SYNPO: variants seen among roughly 807,000 people sequenced by gnomAD.
SYNPO encodes the protein synaptopodin.
SYNPO carries 19 observed loss-of-function variants against 49.5 expected under a neutral mutation model. The observed-to-expected ratio is 0.38, with a 90% CI of 0.27 to 0.56. The LOEUF is 0.56. SYNPO is among the 20% of genes least tolerant of loss of function. The pLI is 0.68. For missense variants in SYNPO, 1,131 were observed against 1,248.3 expected (o/e 0.91, Z 1.42); for synonymous variants, 536 against 548.0 (o/e 0.98, Z 0.31).
exon 2 of SYNPO, chr5:150,618,642 G>T (rs1757051499): frequency 3.2e-6 from 5 of 1,551,228 alleles, no homozygotes; most frequent in Non-Finnish European, 4.4e-6. Flanking sequence ...AGCTGCTCCA[G>T]AGAGGAACAA....
rs758983841 is a variant in SYNPO, at chr5:150,650,137, C to G, written c.1862C>G (p.Pro621Arg). 1.2e-6 allele frequency: 2 copies of G among 1,613,816 alleles called. No homozygotes were observed. The highest frequency in any genetic ancestry group is 4.5e-5 in the East Asian group (2 of 44,862). The change falls in exon 2 of 3, where the codon CCG (proline) becomes CGG (arginine). Residue 621 changes from proline to arginine, a missense_variant. Physicochemically the swap from Pro to Arg is moderately radical, Grantham distance 103 (BLOSUM62 -2). Coordinates refer to ENST00000307662, the MANE Select transcript of SYNPO (RefSeq NM_007286.6). ...PALPRPSRSS[P>R]GLYTSPGQDS... is the part of the protein sequence containing the mutation. ...CTGCCTCGGCCCTCGCGCTCCTCAC[C>G]GGGCCTCTACACCTCCCCCGGCCAG...
At chr5:150,637,924 G>A (rs926572051), upstream of SYNPO, among the ~76,000 whole-genome samples, 11 of 152,116 alleles carry the variant, frequency 7.2e-5, no homozygotes, top group African/African-American at 2.7e-4. Context: ...TAACCCACCC[G>A]GAGGCCCAGG....
In SYNPO at chr5:150,657,815, C is replaced by G. The variant is rs1388170971; in HGVS notation, c.*728C>G. ...AGAGGCAGGAAAATTCTCCCCGGGT[C>G]CCTGTCATGCTACTTTCTCCATCCC... On this transcript the variant is annotated 3_prime_UTR_variant, in exon 3 of 3. Coordinates refer to ENST00000307662, the MANE Select transcript of SYNPO (RefSeq NM_007286.6). 1 of 152,624 alleles carries G rather than the reference C, an allele frequency of 6.6e-6. No individual in the cohort carries two copies. Among genetic ancestry groups the G allele is most frequent in the African/African-American group, 2.4e-5 (1 of 41,460 alleles). 9.5% of individuals were successfully genotyped at this position (152,624 alleles called of 1,614,324 possible). A position where few individuals can be genotyped will look rare whatever the true frequency, so the allele number is the denominator to read the frequency against.
At chr5:150,613,178 G>A (rs1342079642) in intron 1 of SYNPO, among the ~76,000 whole-genome samples, 1 of 151,968 alleles carries the variant, frequency 6.6e-6, no homozygotes, top group African/African-American at 2.4e-5. Context: ...CCTTTTTTCA[G>A]TCCCATGCCT....
intron 1 of SYNPO, among the ~76,000 whole-genome samples, chr5:150,615,581 C>T (rs894027682): frequency 6.6e-6 from 1 of 152,238 alleles, no homozygotes; most frequent in Non-Finnish European, 1.5e-5. Flanking sequence ...ACCATGGTGT[C>T]CTCCGGGAAT....
At position 150,656,931 on chromosome 5, in the gene SYNPO, C is replaced by G; in HGVS notation, c.2556C>G (p.Arg852=). Residue 852 remains arginine (R), a synonymous_variant, in exon 3 of 3, where the codon CGC becomes CGG. Transcript: ENST00000307662. Reference sequence around the variant, plus strand: ...CGCCTCCCAGGCCCTTCCTCTACCGCCGCTCGCCCACGGACTCCGACGTGT... The same window carrying G: ...CGCCTCCCAGGCCCTTCCTCTACCGGCGCTCGCCCACGGACTCCGACGTGT... ...LPAPPRPFLY[R]RSPTDSDVSL... 6.3e-7 allele frequency: 1 copy of G among 1,581,520 alleles called. No individual in the cohort carries two copies. Among genetic ancestry groups the G allele is most frequent in the Non-Finnish European group, 8.6e-7 (1 of 1,164,712 alleles).
At chr5:150,623,949 C>G (rs1375081394) in intron 2 of SYNPO, among the ~76,000 whole-genome samples, 1 of 152,212 alleles carries the variant, frequency 6.6e-6, no homozygotes, top group Admixed American at 6.5e-5. Context: ...CTGTGCCAAG[C>G]CCACCAGCTC....
rs1758420560 is a variant in SYNPO at position 150,652,340 on chromosome 5, C to T, written c.2028+2037C>T. On this transcript the variant is annotated intron_variant, in intron 2 of 2. Transcript: ENST00000307662. ...TTCTCAATACACTCTGCCTCAAATC[C>T]GTCTTGCTTCTTTCTTTCTTCCGTG... 24 of 989,368 alleles carry T rather than the reference C, an allele frequency of 2.4e-5. No individual in the cohort carries two copies. In the South Asian group the frequency reaches 3.3e-4, roughly 14 times the overall value. The allele number at this position is 989,368 out of a possible 1,614,324, so 61.3% of individuals were successfully genotyped here.
chr5:150,618,547 G>A (rs758157042), exon 2 of SYNPO: 23 of 1,550,508 alleles, frequency 1.5e-5, no homozygotes, highest in African/African-American at 9.6e-5. Context: ...AGGATGAGGG[G>A]GTCAGCAGGA....
upstream of SYNPO, among the ~76,000 whole-genome samples, chr5:150,600,399 C>T (rs1205569329): frequency 6.6e-6 from 1 of 152,254 alleles, no homozygotes; most frequent in Non-Finnish European, 1.5e-5. Flanking sequence ...TGGGGTCTCC[C>T]CAGCCCATCC....
intron 2 of SYNPO, chr5:150,652,407 C>T: frequency 1.0e-6 from 1 of 986,194 alleles, no homozygotes; most frequent in Non-Finnish European, 1.2e-6. Flanking sequence ...CTGATTCTAG[C>T]CTGGGAAGTG....
chr5:150,648,211 C>T lies in SYNPO; in HGVS notation c.-65C>T, dbSNP rs759413850. 1.6e-5 allele frequency: 26 copies of T among 1,604,276 alleles called. No individual in the cohort carries two copies. Among genetic ancestry groups the T allele is most frequent in the Admixed American group, 5.2e-5 (3 of 57,860 alleles). On this transcript the variant is annotated 5_prime_UTR_variant, in exon 2 of 3. Coordinates refer to ENST00000307662, the MANE Select transcript of SYNPO (RefSeq NM_007286.6). This position sits in a 1 kb window ranked among gnomAD's most constrained non-coding sequence, Gnocchi z 5.0. ...CTCAGCCTGAGTTCCACCTCGCTGCCGGAGCCAGGCCCTCCACGGCACCCC... is the reference window on the plus strand; with the variant it reads ...CTCAGCCTGAGTTCCACCTCGCTGCTGGAGCCAGGCCCTCCACGGCACCCC...
the SYNPO span, among the ~76,000 whole-genome samples, chr5:150,589,893 C>T: frequency 6.6e-6 from 1 of 152,214 alleles, no homozygotes; most frequent in African/African-American, 2.4e-5. Flanking sequence ...TTCCAGTAGA[C>T]AAGTTCCTTT....
At chr5:150,614,438 G>A (rs1162631245) in intron 1 of SYNPO, 1 of 152,294 alleles carries the variant, frequency 6.6e-6, no homozygotes, top group South Asian at 2.1e-4. Flanking sequence ...GCCCCTGCTT[G>A]GACTCATGCA....
the SYNPO span, among the ~76,000 whole-genome samples, chr5:150,591,033 G>C: frequency 6.6e-6 from 1 of 152,158 alleles, no homozygotes; most frequent in Admixed American, 6.5e-5. Flanking sequence ...GTTAGAGGGG[G>C]TGGGGAACAG....
At position 150,650,564 on chromosome 5, in the gene SYNPO, G is replaced by C. The variant is rs184451297; in HGVS notation, c.2028+261G>C. The C allele has an allele frequency of 2.3e-5, 33 of 1,459,512 alleles. No homozygotes were observed. In the East Asian group the frequency reaches 7.4e-4, roughly 33 times the overall value. The allele number at this position is 1,459,512 out of a possible 1,614,324, so 90.4% of individuals were successfully genotyped here. A position where few individuals can be genotyped will look rare whatever the true frequency, so the allele number is the denominator to read the frequency against. Reference sequence around the variant, plus strand: ...CAGGGGTCGGACTCCATGTCTGAGCGGGGAGGAGGGTCATGGAGAGAGAAC... The same window carrying C: ...CAGGGGTCGGACTCCATGTCTGAGCCGGGAGGAGGGTCATGGAGAGAGAAC... On this transcript the variant is annotated intron_variant, in intron 2 of 2. Coordinates refer to ENST00000307662, the MANE Select transcript of SYNPO (RefSeq NM_007286.6).
At chr5:150,627,340 G>A (rs1312344657) in intron 2 of SYNPO, among the ~76,000 whole-genome samples, 1 of 152,180 alleles carries the variant, frequency 6.6e-6, no homozygotes, top group Non-Finnish European at 1.5e-5. Context: ...GTGGAGATGG[G>A]CCAAGTGCCC....
intron 2 of SYNPO, among the ~76,000 whole-genome samples, chr5:150,634,297 C>T (rs1404940868): frequency 6.6e-6 from 1 of 152,158 alleles, no homozygotes; most frequent in Non-Finnish European, 1.5e-5. Flanking sequence ...AGGAACTTGC[C>T]AGAGGCCTCA....
intron 1 of SYNPO, among the ~76,000 whole-genome samples, chr5:150,605,255 C>A (rs541797850): frequency 1.1e-4 from 17 of 152,258 alleles, no homozygotes; most frequent in African/African-American, 4.1e-4. Flanking sequence ...CTCCCTGAGG[C>A]TGGTCTCAAA....
Sources: allele counts gnomAD v4.1 joint callset (sites outside exome capture counted in the v4.1 genomes callset), GRCh38; gene constraint gnomAD v4.1.1; non-coding constraint Gnocchi (gnomAD v3.1); transcripts MANE v1.5; gene names NCBI Gene and HGNC (gene_info 2026-07-23, HGNC 2026-07-21).